PMPCB: variants seen among roughly 807,000 people sequenced by gnomAD.
The protein encoded by PMPCB is mitochondrial-processing peptidase subunit beta.
PMPCB carries 46 observed loss-of-function variants against 61.5 expected under a neutral mutation model. That is an observed-to-expected ratio of 0.75 (90% CI 0.59 to 0.96). The LOEUF is 0.96. Ranked by LOEUF, PMPCB falls within the 40% of genes least tolerant of loss-of-function variation. The probability of loss-of-function intolerance (pLI) is 0.00; values close to 1 mark genes in which losing one functional copy is unlikely to be tolerated. For synonymous variants in PMPCB, 191 were observed against 201.6 expected, an observed-to-expected ratio of 0.95 and a Z score of 0.44; for missense variants, 590 against 602.4, an observed-to-expected ratio of 0.98 and a Z score of 0.22.
chr7:103,297,614 C>A, intron 1 of PMPCB, 56 bp downstream of exon 1: 2 of 1,605,830 alleles, frequency 1.2e-6, no homozygotes, highest in Non-Finnish European at 1.7e-6. Flanking sequence ...CCCGGCGCAG[C>A]GCACCTGAGA....
intron 12 of PMPCB, among the ~76,000 whole-genome samples, chr7:103,327,159 G>C (rs1326790517): frequency 6.6e-6 from 1 of 152,084 alleles, no homozygotes; most frequent in African/African-American, 2.4e-5. Context: ...AATTTGCTTA[G>C]TGATGTGTAT....
chr7:103,338,994 A>G, the PMPCB span, among the ~76,000 whole-genome samples: 1 of 152,190 alleles, frequency 6.6e-6, no homozygotes, highest in East Asian at 1.9e-4. Flanking sequence ...GTATGCACAA[A>G]GGCCTAAGAA....
chr7:103,346,982 A>G, the PMPCB span, among the ~76,000 whole-genome samples: 6 of 152,298 alleles, frequency 3.9e-5, no homozygotes, highest in South Asian at 1.2e-3. Flanking sequence ...TCTCTTTGAG[A>G]TCCTGTTTTC....
the PMPCB span, chr7:103,337,699 A>G: frequency 6.6e-6 from 10 of 1,512,244 alleles, no homozygotes; most frequent in African/African-American, 1.4e-5. Context: ...GTTCCTATAC[A>G]AGATATTTGA....
intron 4 of PMPCB, among the ~76,000 whole-genome samples, chr7:103,301,777 G>C (rs1817457629): frequency 6.6e-6 from 1 of 151,982 alleles, no homozygotes; most frequent in Admixed American, 6.6e-5. Flanking sequence ...AGGTTTTTAT[G>C]ATCACTTATT....
chr7:103,298,708 A>G lies in PMPCB; in HGVS notation c.240A>G (p.Thr80=), dbSNP rs769551435. 6 of 1,612,940 alleles carry G rather than the reference A, an allele frequency of 3.7e-6. No homozygotes were observed. The highest frequency in any genetic ancestry group is 3.3e-5 in the Admixed American group (2 of 59,758). ...ASEDSGLSTC[T]VGLWIDAGSR... is the part of the protein sequence containing the mutation. ...AAGACTCTGGGCTCTCAACATGCAC[A>G]GTAAGTGACTCAGGCAACCTTCTCT... The change falls in exon 2 of 13, where the codon ACA becomes ACG. Residue 80 remains threonine (T), a splice_region_variant and synonymous_variant. Transcript: ENST00000249269.
chr7:103,344,833 C>G, the PMPCB span: 1 of 605,124 alleles, frequency 1.7e-6, no homozygotes, highest in East Asian at 2.8e-5. Flanking sequence ...CCCCCGCCAA[C>G]GTGTGCGGTA....
intron 7 of PMPCB, among the ~76,000 whole-genome samples, chr7:103,308,555 G>A (rs1817649941): frequency 6.6e-6 from 1 of 152,150 alleles, no homozygotes; most frequent in Non-Finnish European, 1.5e-5. Context: ...GGAGGCCGAG[G>A]TTGCGGTGAG....
chr7:103,344,802 G>A, the PMPCB span: 5 of 641,836 alleles, frequency 7.8e-6, no homozygotes, highest in South Asian at 7.3e-5. Context: ...GTGGTGTGGA[G>A]GCCAGTCTCA....
At chr7:103,342,532 C>T in the PMPCB span, among the ~76,000 whole-genome samples, 49 of 151,788 alleles carry the variant, frequency 3.2e-4, no homozygotes, top group African/African-American at 1.1e-3. Flanking sequence ...CTCGAACTCC[C>T]GACCTCAGGT....
the PMPCB span, among the ~76,000 whole-genome samples, chr7:103,346,801 CT>C: frequency 3.4e-5 from 5 of 148,764 alleles, no homozygotes; most frequent in African/African-American, 1.2e-4. Context: ...AATTTCATTC[CT>C]TTTTAAGGCT....
chr7:103,332,521 A>G (rs771774746), downstream of PMPCB, among the ~76,000 whole-genome samples: 17 of 152,204 alleles, frequency 1.1e-4, no homozygotes, highest in Non-Finnish European at 2.1e-4. Flanking sequence ...CAGCATTAGA[A>G]TTTTTAATTC....
At chr7:103,327,063 C>T (rs1015607318) in intron 12 of PMPCB, among the ~76,000 whole-genome samples, 4 of 152,084 alleles carry the variant, frequency 2.6e-5, no homozygotes, top group African/African-American at 4.8e-5. Context: ...TAAATATGAA[C>T]GGTGTGCATA....
intron 12 of PMPCB, chr7:103,327,329 T>C: frequency 7.8e-7 from 1 of 1,283,286 alleles, no homozygotes; most frequent in Non-Finnish European, 1.0e-6. Context: ...ATAGAACACT[T>C]ACATGAATTA....
downstream of PMPCB, among the ~76,000 whole-genome samples, chr7:103,315,606 G>A (rs1295618673): frequency 2.0e-5 from 3 of 152,088 alleles, no homozygotes; most frequent in Non-Finnish European, 4.4e-5. Context: ...TAATGGTTAG[G>A]TGAAGTAAAT....
rs1417833306 is a variant in PMPCB, at chr7:103,312,830, C to G, written c.*559C>G. 5.9e-6 allele frequency: 9 copies of G among 1,522,848 alleles called. No homozygotes were observed. Among genetic ancestry groups the G allele is most frequent in the African/African-American group, 1.4e-5 (1 of 71,792 alleles). The allele number at this position is 1,522,848 out of a possible 1,614,324, so 94.3% of individuals were successfully genotyped here. Reference sequence around the variant, plus strand: ...CTTCCTCATAATATTGACCCCATAACTACTGGTTTTGAAATAAGCACTATA... The same window carrying G: ...CTTCCTCATAATATTGACCCCATAAGTACTGGTTTTGAAATAAGCACTATA... On this transcript the variant is annotated 3_prime_UTR_variant, in exon 13 of 13. Coordinates refer to ENST00000249269, the MANE Select transcript of PMPCB (RefSeq NM_004279.3).
intron 1 of PMPCB, 147 bp from the exon 2 acceptor site, chr7:103,298,421 A>C: frequency 1.3e-6 from 1 of 762,572 alleles, no homozygotes; most frequent in Non-Finnish European, 2.1e-6. Context: ...TAGGCCAGGC[A>C]GAGATCTCAG....
chr7:103,330,728 G>T (rs1372100370), downstream of PMPCB, among the ~76,000 whole-genome samples: 2 of 151,182 alleles, frequency 1.3e-5, no homozygotes, highest in African/African-American at 4.9e-5. Flanking sequence ...GGGATTACAG[G>T]TGTGAGCTAT....
chr7:103,298,400 A>G (rs1011103021), intron 1 of PMPCB, among the ~76,000 whole-genome samples, 168 bp from the exon 2 acceptor site: 14 of 152,198 alleles, frequency 9.2e-5, no homozygotes, highest in Admixed American at 8.5e-4. Flanking sequence ...GTGGCTGGTG[A>G]CAGATGTTTC....
Sources: allele counts gnomAD v4.1 joint callset (sites outside exome capture counted in the v4.1 genomes callset), GRCh38; gene constraint gnomAD v4.1.1; transcripts MANE v1.5; gene names NCBI Gene and HGNC (gene_info 2026-07-23, HGNC 2026-07-21).